The following BTRC variants were observed in gnomAD, a reference collection of about 807,000 sequenced individuals.
BTRC encodes the protein F-box/WD repeat-containing protein 1A.
Under a neutral mutation model 85.5 loss-of-function variants are expected in BTRC, and 42 were observed. The observed-to-expected ratio is 0.49, with a 90% CI of 0.38 to 0.64. BTRC has a LOEUF of 0.64. BTRC is among the 30% of genes least tolerant of loss of function. The probability of loss-of-function intolerance (pLI) is 0.00; values close to 1 mark genes in which losing one functional copy is unlikely to be tolerated. For synonymous variants in BTRC, 255 were observed against 263.3 expected, an observed-to-expected ratio of 0.97 and a Z score of 0.30; for missense variants, 594 against 743.5, an observed-to-expected ratio of 0.80 and a Z score of 2.34.
chr10:101,534,635 A>G (rs758954080), intron 9 of BTRC, 26 bp from the exon 10 acceptor site: 5 of 1,613,366 alleles, frequency 3.1e-6, no homozygotes, highest in East Asian at 4.5e-5. Context: ...CTTGAGTACC[A>G]TCTAAATCTC....
At chr10:101,550,606 T>C in intron 13 of BTRC, 93 bp from the exon 14 acceptor site, 1 of 1,382,178 alleles carries the variant, frequency 7.2e-7, no homozygotes, top group South Asian at 1.3e-5. Context: ...AACCATAGCC[T>C]TTCCGTAGAC....
chr10:101,410,056 C>G (rs1032815987), intron 1 of BTRC, among the ~76,000 whole-genome samples: 6 of 152,154 alleles, frequency 3.9e-5, no homozygotes, highest in Non-Finnish European at 7.3e-5. Context: ...TCCAGTTTCT[C>G]CACATCCTTG....
chr10:101,400,266 T>C (rs1191496325), intron 1 of BTRC, among the ~76,000 whole-genome samples: 1 of 152,208 alleles, frequency 6.6e-6, no homozygotes, highest in Non-Finnish European at 1.5e-5. Flanking sequence ...GGAAATCAGA[T>C]GTAATATGGT....
intron 6 of BTRC, among the ~76,000 whole-genome samples, chr10:101,527,821 A>ACACAC (rs2062220246): frequency 1.5e-5 from 2 of 129,606 alleles, no homozygotes; most frequent in Non-Finnish European, 1.8e-5. Flanking sequence ...CACACACACA[A>ACACAC]AAGAATATTA....
At chr10:101,490,480 A>G (rs942405961) in intron 4 of BTRC, among the ~76,000 whole-genome samples, 7 of 152,080 alleles carry the variant, frequency 4.6e-5, no homozygotes, top group African/African-American at 1.7e-4. Context: ...ACCTTTTCCA[A>G]ATTTTCACAT....
rs141817613 is a variant in BTRC at position 101,417,420 on chromosome 10, A to G, written c.49-12925A>G. 1.8e-3 allele frequency among the ~76,000 whole-genome samples: 268 copies of G among 152,344 alleles called. 6 individuals are homozygous for G. The East Asian group carries it at 0.043, about 24-fold the overall frequency. On this transcript the variant is annotated intron_variant, in intron 1 of 14. Coordinates refer to ENST00000370187, the MANE Select transcript of BTRC (RefSeq NM_033637.4). Reference sequence around the variant, plus strand: ...CTGATGTATTCTCATGATTAGATCCAAATTAGGTATCTTCGACAGGAATAT... The same window carrying G: ...CTGATGTATTCTCATGATTAGATCCGAATTAGGTATCTTCGACAGGAATAT...
intron 4 of BTRC, among the ~76,000 whole-genome samples, chr10:101,500,712 A>G (rs1946379519): frequency 6.6e-6 from 1 of 152,174 alleles, no homozygotes; most frequent in Non-Finnish European, 1.5e-5. Context: ...AGCTTTTAAG[A>G]TTTTAAATTA....
At chr10:101,501,343 T>G (rs1946396731) in intron 4 of BTRC, among the ~76,000 whole-genome samples, 1 of 152,256 alleles carries the variant, frequency 6.6e-6, no homozygotes, top group Admixed American at 6.5e-5. Flanking sequence ...AGAGCCAGAC[T>G]GAGCTTCAGA....
intron 3 of BTRC, among the ~76,000 whole-genome samples, chr10:101,462,903 T>A (rs1945266674): frequency 6.6e-6 from 1 of 151,976 alleles, no homozygotes; most frequent in African/African-American, 2.4e-5. Context: ...AGCCTCACTC[T>A]GTCGCCCAGG....
intron 4 of BTRC, among the ~76,000 whole-genome samples, chr10:101,517,445 TAAAAG>T (rs907404629): frequency 5.3e-5 from 8 of 152,046 alleles, no homozygotes; most frequent in African/African-American, 1.9e-4. Context: ...AGTAAATAAA[TAAAAG>T]AAAATAAGGC....
At position 101,532,937 on chromosome 10, in the gene BTRC, TATTTGCC is replaced by T; in HGVS notation, c.979-12_979-6del. On this transcript the variant is annotated splice_region_variant and splice_polypyrimidine_tract_variant and intron_variant, in intron 8 of 14. Coordinates refer to ENST00000370187, the MANE Select transcript of BTRC (RefSeq NM_033637.4). ...ATCATCACATTGATCAAAAGGATCTTATTTGCCATCCTAGATCTGGGATAAAAACACA... is the reference window on the plus strand; with the variant it reads ...ATCATCACATTGATCAAAAGGATCTTATCCTAGATCTGGGATAAAAACACA... The T allele has an allele frequency of 6.3e-7, 1 of 1,582,858 alleles. No homozygotes were observed. Among genetic ancestry groups the T allele is most frequent in the Non-Finnish European group, 8.7e-7 (1 of 1,152,004 alleles).
chr10:101,539,977 T>C (rs1021598925), intron 13 of BTRC, among the ~76,000 whole-genome samples: 3 of 152,342 alleles, frequency 2.0e-5, no homozygotes, highest in Non-Finnish European at 2.9e-5. Flanking sequence ...CATTTTTTAA[T>C]TGAGTGGTTA....
At chr10:101,513,030 C>CT (rs1175462823) in intron 4 of BTRC, among the ~76,000 whole-genome samples, 1 of 152,172 alleles carries the variant, frequency 6.6e-6, no homozygotes, top group Admixed American at 6.5e-5. Flanking sequence ...CTCATACACT[C>CT]TAATATACAA....
intron 4 of BTRC, among the ~76,000 whole-genome samples, chr10:101,505,046 A>G (rs1219979413): frequency 7.8e-6 from 1 of 128,190 alleles, no homozygotes; most frequent in African/African-American, 3.1e-5. Flanking sequence ...TGTTCAAGCA[A>G]TCCTCCTGCC....
chr10:101,367,986 A>G (rs1347480343), intron 1 of BTRC, among the ~76,000 whole-genome samples: 1 of 152,172 alleles, frequency 6.6e-6, no homozygotes, highest in Non-Finnish European at 1.5e-5. Flanking sequence ...GTCACAGGGT[A>G]TGAAAATGTT....
rs547345859 is a variant in BTRC, at chr10:101,393,791, C to T, written c.49-36554C>T. On this transcript the variant is annotated intron_variant, in intron 1 of 14. Transcript: ENST00000370187. ...TCTTGCCTACCTCCTGGCATGTGCA[C>T]ACCCTGCTTTGGAAACCACCTTGCC... Among the ~76,000 whole-genome samples, 11 of 152,324 alleles carry T rather than the reference C, an allele frequency of 7.2e-5. No homozygotes were observed. The South Asian group carries it at 2.3e-3, about 32-fold the overall frequency.
At chr10:101,445,156 C>T (rs2134122641) in intron 2 of BTRC, among the ~76,000 whole-genome samples, 1 of 152,270 alleles carries the variant, frequency 6.6e-6, no homozygotes, top group East Asian at 1.9e-4. Context: ...TAAAAGGAGT[C>T]ATGACTCTCT....
chr10:101,362,664 G>A (rs891827393), intron 1 of BTRC, among the ~76,000 whole-genome samples: 1 of 152,082 alleles, frequency 6.6e-6, no homozygotes, highest in Non-Finnish European at 1.5e-5. Context: ...CAAAGTGCTG[G>A]GATTACAGGT....
chr10:101,370,247 G>A (rs1232970729), intron 1 of BTRC, among the ~76,000 whole-genome samples: 1 of 151,228 alleles, frequency 6.6e-6, no homozygotes, highest in Non-Finnish European at 1.5e-5. Context: ...TCAGTCTCCT[G>A]AGCATCTGGG....
Sources: gnomAD v4.1 joint callset for allele counts (sites outside exome capture counted in the v4.1 genomes callset) on GRCh38, gnomAD v4.1.1 for gene constraint, MANE v1.5 for transcripts, NCBI Gene and HGNC (gene_info 2026-07-23, HGNC 2026-07-21) for gene names.